The following NHLH1 variants were observed in gnomAD, a reference collection of about 807,000 sequenced individuals.
NHLH1 encodes the protein helix-loop-helix protein 1.
In NHLH1, 3 loss-of-function variants were observed where a neutral mutation model predicts 6.7. The observed-to-expected ratio is 0.44, with a 90% confidence interval of 0.20 to 1.15. NHLH1 has a LOEUF of 1.15. Ranked by LOEUF, NHLH1 falls within the 50% of genes most tolerant of loss-of-function variation. The pLI is 0.26. For synonymous variants in NHLH1, 92 were observed against 84.2 expected (o/e 1.09, Z -0.51); for missense variants, 177 against 189.5 (o/e 0.93, Z 0.39).
At chr1:160,370,330 T>G (rs1220727604) in intron 1 of NHLH1, among the ~76,000 whole-genome samples, 1 of 152,074 alleles carries the variant, frequency 6.6e-6, no homozygotes, top group East Asian at 1.9e-4. Context: ...ACTCGTTTTC[T>G]CTTCCCTTCT....
In NHLH1 at chr1:160,370,934, G is replaced by A; in HGVS notation, c.203G>A (p.Arg68His). 6.2e-7 allele frequency: 1 copy of A among 1,608,508 alleles called. No homozygotes were observed. The change falls in exon 2 of 2, where the codon CGC (arginine) becomes CAC (histidine). Residue 68 changes from arginine to histidine, a missense_variant. By Grantham distance (29) the Arg-to-His change is conservative. Coordinates refer to ENST00000302101, the MANE Select transcript of NHLH1 (RefSeq NM_005598.4). The stretch of plus-strand genomic sequence containing the variant: ...CATCTGAGCCGCGAGGAGCGCCGGC[G>A]CCGGCGCCGCGCCACAGCCAAGTAC... ...LQHLSREERR[R>H]RRRATAKYRT...
At position 160,370,680 on chromosome 1, in the gene NHLH1, G is replaced by A. The variant is rs767223293; in HGVS notation, c.-52G>A. The stretch of plus-strand genomic sequence containing the variant: ...CCCACCACCAGCTTTCAAGCTCCCA[G>A]AGGGAGGGGTGGGGAGGGGATCCTG... On this transcript the variant is annotated 5_prime_UTR_variant, in exon 2 of 2. Coordinates refer to ENST00000302101, the MANE Select transcript of NHLH1 (RefSeq NM_005598.4). 180 of 1,583,266 alleles carry A rather than the reference G, an allele frequency of 1.1e-4. No homozygotes were observed. Among genetic ancestry groups the A allele is most frequent in the Non-Finnish European group, 9.2e-5 (107 of 1,160,638 alleles).
intron 1 of NHLH1, among the ~76,000 whole-genome samples, chr1:160,369,768 AT>A (rs1471559534): frequency 6.6e-6 from 1 of 151,992 alleles, no homozygotes; most frequent in African/African-American, 2.4e-5. Flanking sequence ...TCCTTTACCC[AT>A]TTTTTTCTTA....
At position 160,370,642 on chromosome 1, in the gene NHLH1, C is replaced by A; in HGVS notation, c.-90C>A. On this transcript the variant is annotated 5_prime_UTR_variant, in exon 2 of 2. Coordinates refer to ENST00000302101, the MANE Select transcript of NHLH1 (RefSeq NM_005598.4). ...GGCAGACCCCACGACCCTTCCTCCC[C>A]CTTCCTCCCCCTCCCACCACCAGCT... The A allele has an allele frequency of 7.3e-7, 1 of 1,369,468 alleles. No homozygotes were observed. The highest frequency in any genetic ancestry group is 1.0e-6 in the Non-Finnish European group (1 of 990,542). The allele number at this position is 1,369,468 out of a possible 1,614,324, so 84.8% of individuals were successfully genotyped here.
Position 160,370,925 on chromosome 1 carries a change from AGCGCCGGCGCCGGCGCCGCG to A in NHLH1, c.195_214del (p.Glu65AspfsTer44), listed in dbSNP as rs1649610951. The A allele has an allele frequency of 6.2e-7, 1 of 1,608,002 alleles. No homozygotes were observed. The highest frequency in any genetic ancestry group is 8.5e-7 in the Non-Finnish European group (1 of 1,176,986). ...GACCTGCAGCATCTGAGCCGCGAGG[AGCGCCGGCGCCGGCGCCGCG>A]CCACAGCCAAGTACCGCACGGCCCA... On this transcript the variant is annotated frameshift_variant, in exon 2 of 2. Transcript: ENST00000302101. LOFTEE classifies it high-confidence loss of function.
In NHLH1 at chr1:160,370,541, C is replaced by T. The variant is rs374173899; in HGVS notation, c.-175-16C>T. The T allele has an allele frequency of 2.9e-4, 172 of 597,400 alleles. No individual in the cohort carries two copies. The East Asian group carries it at 3.0e-3, about 10-fold the overall frequency. The allele number at this position is 597,400 out of a possible 1,614,324, so 37.0% of individuals were successfully genotyped here. ...TCCTCCCTCCGCTGCTATCACTTCTCTCTTCTCTTTTTCAGGCTTCAGACT... is the reference window on the plus strand; with the variant it reads ...TCCTCCCTCCGCTGCTATCACTTCTTTCTTCTCTTTTTCAGGCTTCAGACT... On this transcript the variant is annotated splice_polypyrimidine_tract_variant and intron_variant, in intron 1 of 1. Coordinates refer to ENST00000302101, the MANE Select transcript of NHLH1 (RefSeq NM_005598.4).
chr1:160,372,719 T>G lies in NHLH1; in HGVS notation c.*1586T>G, dbSNP rs949098027. Reference sequence around the variant, plus strand: ...TCTCCCCAGCCTGCCCTGTGACCCTTGCCTCTTCCTGATACTCCCAAGAGC... The same window carrying G: ...TCTCCCCAGCCTGCCCTGTGACCCTGGCCTCTTCCTGATACTCCCAAGAGC... On this transcript the variant is annotated 3_prime_UTR_variant, in exon 2 of 2. Transcript: ENST00000302101. 6.0e-6 allele frequency: 1 copy of G among 167,132 alleles called. No individual in the cohort carries two copies. 10.4% of individuals were successfully genotyped at this position (167,132 alleles called of 1,614,324 possible).
intron 1 of NHLH1, among the ~76,000 whole-genome samples, chr1:160,369,322 T>G (rs756888020): frequency 1.3e-4 from 20 of 152,348 alleles, no homozygotes; most frequent in Admixed American, 5.9e-4. Context: ...TAATACATTT[T>G]GTTTATCTGT....
At chr1:160,368,578 G>A (rs1188045875) in intron 1 of NHLH1, among the ~76,000 whole-genome samples, 1 of 152,194 alleles carries the variant, frequency 6.6e-6, no homozygotes, top group Non-Finnish European at 1.5e-5. Flanking sequence ...GGAGGAAGAG[G>A]CTGGTTGTGC....
At position 160,370,881 on chromosome 1, in the gene NHLH1, G is replaced by T. The variant is rs747177730; in HGVS notation, c.150G>T (p.Pro50=). 4 of 1,606,536 alleles carry T rather than the reference G, an allele frequency of 2.5e-6. No homozygotes were observed. Among genetic ancestry groups the T allele is most frequent in the Admixed American group, 3.4e-5 (2 of 59,064 alleles). The change falls in exon 2 of 2, where the codon CCG becomes CCT. Residue 50 remains proline, a synonymous_variant. Coordinates refer to ENST00000302101, the MANE Select transcript of NHLH1 (RefSeq NM_005598.4). ...PGGGQARGPE[P]GEPGRKDLQH... is the part of the protein sequence containing the mutation. ...GGGGCCAGGCCCGAGGCCCAGAGCC[G>T]GGAGAGCCTGGCCGGAAAGACCTGC... is the stretch of plus-strand genomic sequence containing the variant.
intron 1 of NHLH1, 27 bp from the exon 2 acceptor site, chr1:160,370,530 C>G: frequency 3.5e-6 from 2 of 576,850 alleles, no homozygotes; most frequent in South Asian, 2.0e-5. Context: ...CCCTCCGCTG[C>G]TATCACTTCT....
At chr1:160,369,508 T>A (rs1008687169) in intron 1 of NHLH1, among the ~76,000 whole-genome samples, 18 of 152,230 alleles carry the variant, frequency 1.2e-4, no homozygotes, top group Non-Finnish European at 2.4e-4. Context: ...GGAACATTTA[T>A]ACTGTTTTCC....
In NHLH1 at chr1:160,371,455, TCA is replaced by T. The variant is rs71660694; in HGVS notation, c.*324_*325del. The T allele has an allele frequency of 6.0e-3, 1,643 of 273,992 alleles. 35 individuals are homozygous for T. Among genetic ancestry groups the T allele is most frequent in the East Asian group, 0.032 (363 of 11,364 alleles). The allele number at this position is 273,992 out of a possible 1,614,324, so 17.0% of individuals were successfully genotyped here. On this transcript the variant is annotated 3_prime_UTR_variant, in exon 2 of 2. Coordinates refer to ENST00000302101, the MANE Select transcript of NHLH1 (RefSeq NM_005598.4). ...ACTTGGAGTCTGCCCCCAAGCTCTCTCACTGAATGCTGCCTCTTCTACCCCTA... is the reference window on the plus strand; with the variant it reads ...ACTTGGAGTCTGCCCCCAAGCTCTCTCTGAATGCTGCCTCTTCTACCCCTA...
In NHLH1 at chr1:160,371,070, G is replaced by T; in HGVS notation, c.339G>T (p.Lys113Asn). 6.2e-7 allele frequency: 1 copy of T among 1,614,062 alleles called. No homozygotes were observed. Residue 113 changes from lysine to asparagine, a missense_variant, in exon 2 of 2, where the codon AAG (lysine) becomes AAT (asparagine). Coordinates refer to ENST00000302101, the MANE Select transcript of NHLH1 (RefSeq NM_005598.4). The part of the protein sequence containing the change: ...PTLPPDKKLS[K>N]IEILRLAICY... The stretch of plus-strand genomic sequence containing the variant: ...TGCCCCCCGACAAGAAGCTCTCCAA[G>T]ATTGAGATTCTGCGCCTGGCCATCT...
intron 1 of NHLH1, among the ~76,000 whole-genome samples, chr1:160,369,132 A>G (rs1158839417): frequency 6.6e-6 from 1 of 152,132 alleles, no homozygotes; most frequent in African/African-American, 2.4e-5. Context: ...GGCAACGGCC[A>G]TTCTACTTTC....
chr1:160,369,929 T>A (rs566283088), intron 1 of NHLH1, among the ~76,000 whole-genome samples: 72 of 152,280 alleles, frequency 4.7e-4, no homozygotes, highest in African/African-American at 1.6e-3. Context: ...TTCACGCCCC[T>A]CCCAATCCCT....
Position 160,370,778 on chromosome 1 carries a change from A to T in NHLH1, c.47A>T (p.His16Leu). Residue 16 changes from histidine (H) to leucine (L), a missense_variant, in exon 2 of 2, where the codon CAC becomes CTC. By Grantham distance (99) the His-to-Leu change is moderately conservative. Coordinates refer to ENST00000302101, the MANE Select transcript of NHLH1 (RefSeq NM_005598.4). Reference protein sequence around the residue: ...DTMELDLPPTHSETESGFSDC... With the variant: ...DTMELDLPPTLSETESGFSDC... ...ATGGAGCTGGACCTGCCGCCCACCC[A>T]CTCAGAGACTGAGTCGGGCTTCAGT... 3 of 1,611,794 alleles carry T rather than the reference A, an allele frequency of 1.9e-6. No individual in the cohort carries two copies.
At position 160,372,303 on chromosome 1, in the gene NHLH1, C is replaced by A. The variant is rs1649646102; in HGVS notation, c.*1170C>A. 6.0e-6 allele frequency: 1 copy of A among 166,992 alleles called. No homozygotes were observed. The highest frequency in any genetic ancestry group is 2.1e-4 in the South Asian group (1 of 4,820). 10.3% of individuals were successfully genotyped at this position (166,992 alleles called of 1,614,324 possible). Reference sequence around the variant, plus strand: ...TCACTGCATTTCTGTGCTCCCTCCTCCCTCGCACCAAACTCCTAGCTCTAC... The same window carrying A: ...TCACTGCATTTCTGTGCTCCCTCCTACCTCGCACCAAACTCCTAGCTCTAC... On this transcript the variant is annotated 3_prime_UTR_variant, in exon 2 of 2. Coordinates refer to ENST00000302101, the MANE Select transcript of NHLH1 (RefSeq NM_005598.4).
chr1:160,371,359 G>T lies in NHLH1; in HGVS notation c.*226G>T. ...GTTCCTTCCGGGGTTTATTGCTGAGGCCCAGCTGTGCAGAATTGTTTGCTA... is the reference window on the plus strand; with the variant it reads ...GTTCCTTCCGGGGTTTATTGCTGAGTCCCAGCTGTGCAGAATTGTTTGCTA... On this transcript the variant is annotated 3_prime_UTR_variant, in exon 2 of 2. Coordinates refer to ENST00000302101, the MANE Select transcript of NHLH1 (RefSeq NM_005598.4). The T allele has an allele frequency of 1.7e-6, 1 of 594,082 alleles. No homozygotes were observed. The highest frequency in any genetic ancestry group is 2.8e-6 in the Non-Finnish European group (1 of 357,270). The allele number at this position is 594,082 out of a possible 1,614,324, so 36.8% of individuals were successfully genotyped here.
Sources: gnomAD v4.1 joint callset for allele counts (sites outside exome capture counted in the v4.1 genomes callset) on GRCh38, gnomAD v4.1.1 for gene constraint, MANE v1.5 for transcripts, NCBI Gene and HGNC (gene_info 2026-07-23, HGNC 2026-07-21) for gene names.